The following BACH2 variants were observed in gnomAD, a reference collection of about 807,000 sequenced individuals.
The protein encoded by BACH2 is transcription regulator protein BACH2.
In BACH2, 5 loss-of-function variants were observed where a neutral mutation model predicts 61.8. That is an observed-to-expected ratio of 0.08 (90% confidence interval 0.04 to 0.17). The LOEUF (loss-of-function observed/expected upper bound fraction) is 0.17. BACH2 is among the 10% of genes least tolerant of loss of function. BACH2 has a pLI of 1.00. For missense variants in BACH2, 824 were observed against 1,091.1 expected, an observed-to-expected ratio of 0.76 and a Z score of 3.45; for synonymous variants, 446 against 440.1, an observed-to-expected ratio of 1.01 and a Z score of -0.17.
intron 3 of BACH2, among the ~76,000 whole-genome samples, chr6:90,250,561 T>C (rs935802573): frequency 7.9e-5 from 12 of 152,214 alleles, no homozygotes; most frequent in Non-Finnish European, 1.8e-4. Flanking sequence ...ATGCTGATTG[T>C]GGCACTTGTG....
At chr6:90,284,007 AAAATAAAT>A (rs546804893) in intron 1 of BACH2, among the ~76,000 whole-genome samples, 88 of 151,486 alleles carry the variant, frequency 5.8e-4, no homozygotes, top group African/African-American at 1.9e-3. Context: ...ACTCCATCTC[AAAATAAAT>A]AAATAAATAA....
At chr6:90,064,867 T>A (rs984596516) in intron 5 of BACH2, among the ~76,000 whole-genome samples, 1 of 152,202 alleles carries the variant, frequency 6.6e-6, no homozygotes, top group Non-Finnish European at 1.5e-5. Context: ...ACACAATAAC[T>A]ATTTAATATA....
chr6:90,265,343 C>T (rs1771289826), intron 2 of BACH2, among the ~76,000 whole-genome samples: 1 of 152,212 alleles, frequency 6.6e-6, no homozygotes, highest in Admixed American at 6.5e-5. Flanking sequence ...TACTAAACCA[C>T]TTTGGAGGGC....
intron 4 of BACH2, among the ~76,000 whole-genome samples, chr6:90,183,117 T>C (rs1419960752): frequency 1.3e-5 from 2 of 152,228 alleles, no homozygotes; most frequent in African/African-American, 4.8e-5. Flanking sequence ...ATGTGTATTG[T>C]GTGTGTGCAC....
At chr6:90,198,796 T>C (rs1331529743) in intron 4 of BACH2, among the ~76,000 whole-genome samples, 3 of 152,208 alleles carry the variant, frequency 2.0e-5, no homozygotes, top group Non-Finnish European at 4.4e-5. Context: ...GACTGTGATA[T>C]GGTTTGGCTG....
chr6:90,207,386 T>C (rs1356453175), intron 3 of BACH2, among the ~76,000 whole-genome samples: 3 of 152,200 alleles, frequency 2.0e-5, no homozygotes, highest in Non-Finnish European at 4.4e-5. Flanking sequence ...TCCAACATGC[T>C]GGGATTATGA....
chr6:90,092,292 ATAT>A (rs760764164), intron 4 of BACH2, among the ~76,000 whole-genome samples: 21,941 of 98,760 alleles, frequency 0.22, 2,295 homozygotes, highest in Non-Finnish European at 0.24. Flanking sequence ...AAAAAAAAAA[ATAT>A]ATATATATAT....
At chr6:90,002,471 AAT>A (rs1160067802) in intron 6 of BACH2, among the ~76,000 whole-genome samples, 1 of 152,164 alleles carries the variant, frequency 6.6e-6, no homozygotes, top group Non-Finnish European at 1.5e-5. Flanking sequence ...TCTCAAACTT[AAT>A]ATATACAAAA....
At chr6:90,251,247 C>T (rs1770798918) in intron 3 of BACH2, among the ~76,000 whole-genome samples, 2 of 151,942 alleles carry the variant, frequency 1.3e-5, no homozygotes, top group Admixed American at 6.6e-5. Flanking sequence ...GAACAAACTG[C>T]TTTCAACCAC....
At chr6:90,019,781 C>T (rs149124741) in intron 5 of BACH2, among the ~76,000 whole-genome samples, 9 of 152,248 alleles carry the variant, frequency 5.9e-5, no homozygotes, top group African/African-American at 2.2e-4. Context: ...GAAACTAGGA[C>T]CCAAACCCCT....
chr6:90,218,618 GGGA>G (rs1164127305), intron 3 of BACH2, among the ~76,000 whole-genome samples: 3 of 151,974 alleles, frequency 2.0e-5, no homozygotes, highest in African/African-American at 4.8e-5. Flanking sequence ...CCTCCCAGGA[GGGA>G]GGAGAAGAAT....
chr6:89,993,861 G>A (rs955879252), intron 6 of BACH2, among the ~76,000 whole-genome samples: 1 of 151,828 alleles, frequency 6.6e-6, no homozygotes, highest in African/African-American at 2.4e-5. Context: ...GGCTCAGAAG[G>A]TAAATGTCTT....
intron 5 of BACH2, among the ~76,000 whole-genome samples, chr6:90,072,777 C>A (rs1232442186): frequency 2.0e-5 from 3 of 152,076 alleles, no homozygotes; most frequent in African/African-American, 7.2e-5. Flanking sequence ...CAGTAAAGAA[C>A]CCTAAACATC....
intron 5 of BACH2, among the ~76,000 whole-genome samples, chr6:90,029,370 A>T (rs1778825566): frequency 6.6e-6 from 1 of 152,150 alleles, no homozygotes; most frequent in African/African-American, 2.4e-5. Context: ...GGAGATGTAA[A>T]TGTGATGGCT....
chr6:90,155,199 A>G (rs1784955136), intron 4 of BACH2, among the ~76,000 whole-genome samples: 1 of 152,242 alleles, frequency 6.6e-6, no homozygotes, highest in South Asian at 2.1e-4. Flanking sequence ...CCACATGGCT[A>G]GACTAAGAAG....
intron 1 of BACH2, among the ~76,000 whole-genome samples, chr6:90,285,914 A>C: frequency 6.6e-6 from 1 of 152,260 alleles, no homozygotes; most frequent in East Asian, 1.9e-4. Context: ...AAAACAGGGT[A>C]CATGCAAATT....
At chr6:90,251,519 C>T (rs1770810694) in intron 3 of BACH2, among the ~76,000 whole-genome samples, 1 of 96,448 alleles carries the variant, frequency 1.0e-5, no homozygotes, top group African/African-American at 2.7e-5. Context: ...AGCACATACC[C>T]AGCACCTGCT....
intron 5 of BACH2, among the ~76,000 whole-genome samples, chr6:90,049,246 T>C (rs1277734384): frequency 6.6e-6 from 1 of 152,192 alleles, no homozygotes; most frequent in Non-Finnish European, 1.5e-5. Context: ...GGTCTTATAT[T>C]CTAGCTGGGA....
chr6:90,202,247 A>T (rs1457663820), intron 4 of BACH2, among the ~76,000 whole-genome samples: 1 of 152,190 alleles, frequency 6.6e-6, no homozygotes, highest in Non-Finnish European at 1.5e-5. Context: ...GGGATAATAA[A>T]GTCTGGACTT....
Sources: allele counts gnomAD v4.1 joint callset (sites outside exome capture counted in the v4.1 genomes callset), GRCh38; gene constraint gnomAD v4.1.1; transcripts MANE v1.5; gene names NCBI Gene and HGNC (gene_info 2026-07-23, HGNC 2026-07-21).